CNOT4: variants seen among roughly 807,000 people sequenced by gnomAD.
CNOT4 encodes the protein CCR4-associated factor 4.
Under a neutral mutation model 73.8 loss-of-function variants are expected in CNOT4, and 8 were observed. The observed-to-expected ratio is 0.11, with a 90% CI of 0.06 to 0.20. CNOT4 has a LOEUF of 0.20. CNOT4 is among the 10% of genes least tolerant of loss of function. The probability of loss-of-function intolerance (pLI) is 1.00; values close to 1 mark genes in which losing one functional copy is unlikely to be tolerated. For missense variants in CNOT4, 564 were observed against 883.4 expected (o/e 0.64, Z 4.58); for synonymous variants, 293 against 321.1 (o/e 0.91, Z 0.94).
In CNOT4 at chr7:135,463,453, G is replaced by A. The variant is rs1177795526; in HGVS notation, c.-92-25030C>T. Among the ~76,000 whole-genome samples, 10 of 149,704 alleles carry A rather than the reference G, an allele frequency of 6.7e-5. No individual in the cohort carries two copies. In the South Asian group the frequency reaches 8.4e-4, roughly 13 times the overall value. On this transcript the variant is annotated intron_variant, in intron 1 of 11. Coordinates refer to ENST00000541284, the MANE Select transcript of CNOT4 (RefSeq NM_001190850.2). ...TTCGGGGGGCTGAGGCAGGAGAATC[G>A]CTTGAACCCAGGCTGTGGAGGTTGC...
intron 1 of CNOT4, among the ~76,000 whole-genome samples, chr7:135,447,854 C>T (rs1220958585): frequency 3.3e-5 from 5 of 152,076 alleles, no homozygotes; most frequent in South Asian, 2.1e-4. Context: ...GCAGTGACCT[C>T]GAGAGTCGTA....
intron 6 of CNOT4, among the ~76,000 whole-genome samples, chr7:135,411,600 A>C (rs552815354): frequency 4.6e-5 from 7 of 152,148 alleles, no homozygotes; most frequent in African/African-American, 1.7e-4. Context: ...AGACACAAAA[A>C]TAAATGATAA....
chr7:135,413,524 C>T lies in CNOT4; in HGVS notation c.651G>A (p.Gly217=). Reference sequence around the variant, plus strand: ...CTTTTGTGAAGCTGGCCGCCTCATCCCCCAATTCATGAAGATACATGCAGT... The same window carrying T: ...CTTTTGTGAAGCTGGCCGCCTCATCTCCCAATTCATGAAGATACATGCAGT... The part of the protein sequence containing the change: ...KPDCMYLHEL[G]DEAASFTKEE... The change falls in exon 6 of 12, where the codon GGG becomes GGA. Residue 217 remains glycine, a synonymous_variant. Coordinates refer to ENST00000541284, the MANE Select transcript of CNOT4 (RefSeq NM_001190850.2). 1.9e-6 allele frequency: 3 copies of T among 1,612,062 alleles called. No homozygotes were observed. Among genetic ancestry groups the T allele is most frequent in the East Asian group, 2.2e-5 (1 of 44,840 alleles).
chr7:135,381,372 C>G (rs112367335), intron 10 of CNOT4, among the ~76,000 whole-genome samples: 5,291 of 152,272 alleles, frequency 0.035, 311 homozygotes, highest in African/African-American at 0.12. Flanking sequence ...GTCATGAAGA[C>G]AGTAAGACTA....
At position 135,451,951 on chromosome 7, in the gene CNOT4, TAA is replaced by T. The variant is rs1554438338; in HGVS notation, c.-92-13530_-92-13529del. ...ATATGGAGGATGGCAGAGAGACAAATAAAACAGTGATTCAGGTTGTGTGTAGT... is the reference window on the plus strand; with the variant it reads ...ATATGGAGGATGGCAGAGAGACAAATAACAGTGATTCAGGTTGTGTGTAGT... On this transcript the variant is annotated intron_variant, in intron 1 of 11. Coordinates refer to ENST00000541284, the MANE Select transcript of CNOT4 (RefSeq NM_001190850.2). 2.6e-5 allele frequency among the ~76,000 whole-genome samples: 4 copies of T among 152,154 alleles called. 1 individual carries two copies. Among genetic ancestry groups the T allele is most frequent in the African/African-American group, 9.6e-5 (4 of 41,522 alleles).
intron 10 of CNOT4, among the ~76,000 whole-genome samples, chr7:135,373,420 A>G (rs1795330043): frequency 6.6e-6 from 1 of 152,330 alleles, no homozygotes; most frequent in South Asian, 2.1e-4. Context: ...TCACAAAAGC[A>G]TCTACTCAAT....
intron 1 of CNOT4, chr7:135,509,062 G>A (rs1027599374): frequency 6.6e-6 from 1 of 152,184 alleles, no homozygotes; most frequent in African/African-American, 2.4e-5. Context: ...ACGTTTAATA[G>A]TATCCTACCT....
intron 1 of CNOT4, among the ~76,000 whole-genome samples, chr7:135,457,761 A>T (rs1268639837): frequency 6.6e-6 from 1 of 152,134 alleles, no homozygotes; most frequent in Non-Finnish European, 1.5e-5. Context: ...AACAATTAGA[A>T]AAAATATCTA....
At chr7:135,471,048 C>G (rs886668956) in intron 1 of CNOT4, among the ~76,000 whole-genome samples, 11 of 152,184 alleles carry the variant, frequency 7.2e-5, no homozygotes, top group Non-Finnish European at 2.9e-5. Context: ...AGAACCCTTA[C>G]AGTTAAGCCT....
At chr7:135,473,772 T>C (rs1350467074) in intron 1 of CNOT4, among the ~76,000 whole-genome samples, 1 of 151,374 alleles carries the variant, frequency 6.6e-6, no homozygotes. Context: ...CGAGGGAGAG[T>C]GAGAGTGCAC....
At chr7:135,382,280 A>C (rs1795887334) in intron 10 of CNOT4, among the ~76,000 whole-genome samples, 1 of 152,156 alleles carries the variant, frequency 6.6e-6, no homozygotes, top group Non-Finnish European at 1.5e-5. Flanking sequence ...GATTCTTTGG[A>C]AATAGCCCCT....
At chr7:135,504,462 ATTTTTTTT>A (rs34100799) in intron 1 of CNOT4, among the ~76,000 whole-genome samples, 2 of 55,942 alleles carry the variant, frequency 3.6e-5, no homozygotes, top group East Asian at 5.1e-4. Flanking sequence ...CATCCGGCTA[ATTTTTTTT>A]TTTTTTTTTT....
At chr7:135,448,953 A>T (rs1392376782) in intron 1 of CNOT4, among the ~76,000 whole-genome samples, 3 of 152,192 alleles carry the variant, frequency 2.0e-5, no homozygotes, top group African/African-American at 7.2e-5. Flanking sequence ...GCCTCAGAGA[A>T]ATATGAAACA....
At position 135,462,785 on chromosome 7, in the gene CNOT4, C is replaced by T. The variant is rs565073422; in HGVS notation, c.-92-24362G>A. ...AGTCATAGGTTTCTATAGACCTGAGCTTCGGTCAGTAAAATGAAGAGGTTG... is the reference window on the plus strand; with the variant it reads ...AGTCATAGGTTTCTATAGACCTGAGTTTCGGTCAGTAAAATGAAGAGGTTG... On this transcript the variant is annotated intron_variant, in intron 1 of 11. Transcript: ENST00000541284. 5.6e-4 allele frequency among the ~76,000 whole-genome samples: 85 copies of T among 152,228 alleles called. 1 individual carries two copies. Among genetic ancestry groups the T allele is most frequent in the African/African-American group, 1.7e-3 (71 of 41,542 alleles).
At chr7:135,402,806 A>G (rs182891027) in intron 7 of CNOT4, among the ~76,000 whole-genome samples, 37 of 152,318 alleles carry the variant, frequency 2.4e-4, no homozygotes, top group Non-Finnish European at 4.9e-4. Flanking sequence ...TGTTCAGCCA[A>G]GTTTTGATTT....
intron 1 of CNOT4, among the ~76,000 whole-genome samples, chr7:135,483,029 C>T (rs994740194): frequency 8.2e-6 from 1 of 121,876 alleles, no homozygotes; most frequent in Non-Finnish European, 1.8e-5. Context: ...AAATCCTGAA[C>T]AAAATATTAG....
At chr7:135,376,853 A>T (rs1265197069) in intron 10 of CNOT4, among the ~76,000 whole-genome samples, 1 of 152,194 alleles carries the variant, frequency 6.6e-6, no homozygotes, top group Non-Finnish European at 1.5e-5. Flanking sequence ...TAATTGACAG[A>T]TTCTTCATAA....
In CNOT4 at chr7:135,364,422, C is replaced by T. The variant is rs1794806314; in HGVS notation, c.1628-356G>A. Reference sequence around the variant, plus strand: ...TTCACTTAGTGAGGCATTTAGCCAGCTGAGCTGATTTACGCTATAAAAAAG... The same window carrying T: ...TTCACTTAGTGAGGCATTTAGCCAGTTGAGCTGATTTACGCTATAAAAAAG... On this transcript the variant is annotated intron_variant, in intron 10 of 11. Transcript: ENST00000541284. The surrounding 1 kb of genome is among the most constrained non-coding windows in gnomAD (Gnocchi z 4.3). Among the ~76,000 whole-genome samples the T allele has an allele frequency of 6.6e-6, 1 of 152,200 alleles. No homozygotes were observed. Among genetic ancestry groups the T allele is most frequent in the Non-Finnish European group, 1.5e-5 (1 of 68,048 alleles).
chr7:135,470,912 G>T (rs1211688032), intron 1 of CNOT4, among the ~76,000 whole-genome samples: 2 of 152,158 alleles, frequency 1.3e-5, no homozygotes, highest in Non-Finnish European at 2.9e-5. Flanking sequence ...TTACACAGGT[G>T]CATGCATTTG....
Sources: gnomAD v4.1 joint callset for allele counts (sites outside exome capture counted in the v4.1 genomes callset) on GRCh38, gnomAD v4.1.1 for gene constraint, Gnocchi (gnomAD v3.1) non-coding constraint, MANE v1.5 for transcripts, NCBI Gene and HGNC (gene_info 2026-07-23, HGNC 2026-07-21) for gene names.